The following CDH13 variants were observed in gnomAD, a reference collection of about 807,000 sequenced individuals.
CDH13 encodes the protein cadherin-13.
Under a neutral mutation model 63.8 loss-of-function variants are expected in CDH13, and 24 were observed. The observed-to-expected ratio is 0.38, with a 90% CI of 0.27 to 0.53. The LOEUF is 0.53. Ranked by LOEUF, CDH13 falls within the 20% of genes least tolerant of loss-of-function variation. CDH13 has a pLI of 0.85. For missense variants in CDH13, 1,049 were observed against 903.1 expected, an observed-to-expected ratio of 1.16 and a Z score of -2.07; for synonymous variants, 503 against 355.3, an observed-to-expected ratio of 1.42 and a Z score of -4.67.
At chr16:82,948,395 C>A (rs1904959353) in intron 2 of CDH13, among the ~76,000 whole-genome samples, 1 of 152,138 alleles carries the variant, frequency 6.6e-6, no homozygotes, top group African/African-American at 2.4e-5. Flanking sequence ...TAACACATGG[C>A]ATGCCTTCAA....
chr16:82,929,929 A>C (rs1313360773), intron 2 of CDH13, among the ~76,000 whole-genome samples: 3 of 151,262 alleles, frequency 2.0e-5, no homozygotes, highest in African/African-American at 7.3e-5. Flanking sequence ...ACATAACAAC[A>C]CTCAGAGAAA....
intron 7 of CDH13, among the ~76,000 whole-genome samples, chr16:83,531,349 A>G (rs1000332567): frequency 3.9e-5 from 6 of 152,160 alleles, no homozygotes; most frequent in Non-Finnish European, 8.8e-5. Flanking sequence ...GGTGTGTGTG[A>G]TAGACTAAAA....
At chr16:83,763,207 G>A (rs1914115280) in intron 11 of CDH13, among the ~76,000 whole-genome samples, 1 of 152,064 alleles carries the variant, frequency 6.6e-6, no homozygotes, top group Non-Finnish European at 1.5e-5. Context: ...ATGTGATGTG[G>A]GTTGCCAAGA....
intron 1 of CDH13, among the ~76,000 whole-genome samples, chr16:82,756,684 G>A (rs532051522): frequency 6.6e-5 from 10 of 152,196 alleles, no homozygotes; most frequent in Non-Finnish European, 1.2e-4. Flanking sequence ...CTCCTTCCTC[G>A]TTAGTATTTT....
chr16:82,713,540 G>A (rs11646185), intron 1 of CDH13, among the ~76,000 whole-genome samples: 25,495 of 152,088 alleles, frequency 0.17, 2,607 homozygotes, highest in Non-Finnish European at 0.23. Flanking sequence ...AGTCAGAATG[G>A]CAGGGTGGTC....
intron 6 of CDH13, among the ~76,000 whole-genome samples, chr16:83,378,988 C>T (rs1430644034): frequency 7.0e-6 from 1 of 143,520 alleles, no homozygotes; most frequent in East Asian, 1.9e-4. Flanking sequence ...TATACACATG[C>T]ATCTATATAT....
At chr16:83,710,550 GA>G (rs11331890) in intron 10 of CDH13, 71,768 of 148,332 alleles carry the variant, frequency 0.48, 17,523 homozygotes, top group East Asian at 0.66. Context: ...AGGCAACCTG[GA>G]AAAAAAAAAA....
chr16:83,377,712 T>A (rs187331973), intron 6 of CDH13, among the ~76,000 whole-genome samples: 1 of 152,202 alleles, frequency 6.6e-6, no homozygotes, highest in South Asian at 2.1e-4. Context: ...CCCACACTTA[T>A]GCCATTTCTT....
chr16:82,973,874 G>A (rs895888083), intron 2 of CDH13, among the ~76,000 whole-genome samples: 2 of 152,090 alleles, frequency 1.3e-5, no homozygotes, highest in Non-Finnish European at 2.9e-5. Flanking sequence ...ATGATCCTGT[G>A]TCACATACTC....
At chr16:82,760,264 C>T (rs11866168) in intron 1 of CDH13, among the ~76,000 whole-genome samples, 8,369 of 152,126 alleles carry the variant, frequency 0.055, 754 homozygotes, top group African/African-American at 0.19. Flanking sequence ...ACCGCCCCCG[C>T]AAAAATGCAA....
chr16:83,361,375 G>A (rs574643432), intron 6 of CDH13, among the ~76,000 whole-genome samples: 9 of 152,154 alleles, frequency 5.9e-5, no homozygotes, highest in African/African-American at 1.2e-4. Context: ...TCTCCCATTC[G>A]GTTTGTTGTC....
chr16:83,291,431 G>A (rs965234223), intron 5 of CDH13, among the ~76,000 whole-genome samples: 8 of 152,076 alleles, frequency 5.3e-5, no homozygotes, highest in Non-Finnish European at 1.0e-4. Context: ...CCAGCTACGA[G>A]ACTGTCCCTT....
At chr16:82,861,356 A>G (rs1456974408) in intron 2 of CDH13, among the ~76,000 whole-genome samples, 1 of 152,186 alleles carries the variant, frequency 6.6e-6, no homozygotes, top group Non-Finnish European at 1.5e-5. Flanking sequence ...ACACAGCATA[A>G]TCAATCAATT....
At chr16:83,743,037 G>A (rs1197490484) in intron 10 of CDH13, among the ~76,000 whole-genome samples, 1 of 152,074 alleles carries the variant, frequency 6.6e-6, no homozygotes, top group African/African-American at 2.4e-5. Flanking sequence ...GTGAAACCCC[G>A]CTCTACTAAA....
At chr16:83,257,542 A>G (rs958802465) in intron 5 of CDH13, among the ~76,000 whole-genome samples, 1 of 152,158 alleles carries the variant, frequency 6.6e-6, no homozygotes, top group Non-Finnish European at 1.5e-5. Flanking sequence ...TCCTCCATGA[A>G]TCTGTTAGGA....
At chr16:83,261,007 G>A (rs1338313065) in intron 5 of CDH13, among the ~76,000 whole-genome samples, 1 of 152,088 alleles carries the variant, frequency 6.6e-6, no homozygotes, top group Non-Finnish European at 1.5e-5. Context: ...TTGGACTGAA[G>A]CAGCATCCCA....
intron 2 of CDH13, among the ~76,000 whole-genome samples, chr16:83,027,994 A>G (rs1915972538): frequency 6.6e-6 from 1 of 152,178 alleles, no homozygotes; most frequent in South Asian, 2.1e-4. Context: ...GTAAATATTT[A>G]TGGTAGGAAG....
intron 6 of CDH13, among the ~76,000 whole-genome samples, chr16:83,380,216 T>A (rs1446651466): frequency 1.3e-5 from 2 of 152,164 alleles, no homozygotes; most frequent in African/African-American, 4.8e-5. Context: ...ATATTTTATT[T>A]CTTTTAATAA....
intron 1 of CDH13, among the ~76,000 whole-genome samples, chr16:82,806,604 C>T (rs1202103953): frequency 6.6e-6 from 1 of 152,096 alleles, no homozygotes; most frequent in Non-Finnish European, 1.5e-5. Context: ...TTAATTCCTG[C>T]CCAAACTTTC....
Sources: allele counts gnomAD v4.1 joint callset (sites outside exome capture counted in the v4.1 genomes callset), GRCh38; gene constraint gnomAD v4.1.1; transcripts MANE v1.5; gene names NCBI Gene and HGNC (gene_info 2026-07-23, HGNC 2026-07-21).